The following SLC2A9 variants were observed in gnomAD, a reference collection of about 807,000 sequenced individuals.
SLC2A9 encodes the protein solute carrier family 2 member 9.
SLC2A9 carries 39 observed loss-of-function variants against 50.6 expected under a neutral mutation model. That is an observed-to-expected ratio of 0.77 (90% CI 0.60 to 1.01). SLC2A9 has a LOEUF of 1.01. Ranked by LOEUF, SLC2A9 falls within the 50% of genes least tolerant of loss-of-function variation. The probability of loss-of-function intolerance (pLI) is 0.00; values close to 1 mark genes in which losing one functional copy is unlikely to be tolerated. For missense variants in SLC2A9, 686 were observed against 677.6 expected (o/e 1.01, Z -0.14); for synonymous variants, 324 against 276.9 (o/e 1.17, Z -1.69).
chr4:9,952,772 G>A (rs1377346030), intron 5 of SLC2A9, among the ~76,000 whole-genome samples: 3 of 152,202 alleles, frequency 2.0e-5, no homozygotes, highest in Non-Finnish European at 4.4e-5. Context: ...CGATCTGCCT[G>A]CCACAGCTTC....
At chr4:9,814,950 T>C (rs1255273205) in intron 3 of SLC2A9, among the ~76,000 whole-genome samples, 1 of 151,692 alleles carries the variant, frequency 6.6e-6, no homozygotes, top group African/African-American at 2.4e-5. Context: ...ATGTGGTACA[T>C]GCAGGTAGGG....
At chr4:9,990,567 T>C (rs1361619117) in intron 3 of SLC2A9, among the ~76,000 whole-genome samples, 1 of 152,094 alleles carries the variant, frequency 6.6e-6, no homozygotes, top group East Asian at 1.9e-4. Context: ...CAGTGGGGGA[T>C]GGGGTTGAAG....
chr4:9,809,473 G>A (rs766840769), intron 3 of SLC2A9, among the ~76,000 whole-genome samples: 35 of 152,338 alleles, frequency 2.3e-4, no homozygotes, highest in Non-Finnish European at 4.3e-4. Context: ...AGTCTCTTGT[G>A]TGTACTGGGG....
chr4:9,994,353 C>A (rs1166736781), intron 3 of SLC2A9, among the ~76,000 whole-genome samples: 2 of 152,108 alleles, frequency 1.3e-5, no homozygotes, highest in Non-Finnish European at 2.9e-5. Context: ...TCCTTTTCTC[C>A]CCAGCAGAGT....
chr4:9,890,279 C>T (rs1217893532), intron 9 of SLC2A9, among the ~76,000 whole-genome samples: 44 of 152,142 alleles, frequency 2.9e-4, no homozygotes, highest in Non-Finnish European at 7.4e-5. Flanking sequence ...GAAGGAGCAC[C>T]TTAAGGTTGT....
intron 2 of SLC2A9, among the ~76,000 whole-genome samples, chr4:10,015,500 T>C (rs1256381704): frequency 1.3e-5 from 2 of 152,166 alleles, no homozygotes; most frequent in Non-Finnish European, 2.9e-5. Context: ...CCTCCAAAAA[T>C]GTTGCATGAC....
At chr4:9,838,363 T>C (rs1347490750) in intron 10 of SLC2A9, among the ~76,000 whole-genome samples, 1 of 152,158 alleles carries the variant, frequency 6.6e-6, no homozygotes, top group Non-Finnish European at 1.5e-5. Context: ...AAATCATAGA[T>C]GGCACAAACA....
intron 5 of SLC2A9, among the ~76,000 whole-genome samples, chr4:9,956,962 A>G (rs1751415807): frequency 6.6e-6 from 1 of 152,100 alleles, no homozygotes. Context: ...TGGCACTCGG[A>G]GCCTCTGTGG....
chr4:9,795,098 A>G (rs1039351871), downstream of SLC2A9, among the ~76,000 whole-genome samples: 1 of 138,532 alleles, frequency 7.2e-6, no homozygotes, highest in Non-Finnish European at 1.5e-5. Flanking sequence ...TGCAACCTCC[A>G]TCTCCCGGGT....
At chr4:9,828,990 C>G (rs61338451) in intron 11 of SLC2A9, among the ~76,000 whole-genome samples, 1 of 152,028 alleles carries the variant, frequency 6.6e-6, no homozygotes, top group African/African-American at 2.4e-5. Flanking sequence ...AGGCCACAAA[C>G]AGGGCTTCCT....
chr4:9,773,990 G>A (rs1464264661), intron 1 of SLC2A9, among the ~76,000 whole-genome samples: 2 of 105,194 alleles, frequency 1.9e-5, no homozygotes, highest in South Asian at 7.5e-4. Flanking sequence ...GAGAAACTCA[G>A]TCTTTTTTTT....
intron 10 of SLC2A9, among the ~76,000 whole-genome samples, chr4:9,852,463 A>C (rs1045249882): frequency 6.6e-6 from 1 of 151,844 alleles, no homozygotes; most frequent in Admixed American, 6.6e-5. Flanking sequence ...CTTGTTAGCC[A>C]GGATGGTCTC....
intron 1 of SLC2A9, among the ~76,000 whole-genome samples, chr4:10,029,890 C>A (rs925084968): frequency 6.6e-6 from 1 of 152,112 alleles, no homozygotes. Flanking sequence ...CCTGCCTCAG[C>A]CTCCCAAAGT....
chr4:9,942,701 A>G (rs554302029), intron 5 of SLC2A9, among the ~76,000 whole-genome samples: 2 of 152,350 alleles, frequency 1.3e-5, no homozygotes, highest in Non-Finnish European at 2.9e-5. Context: ...AAGCAGTGAC[A>G]TCCCCTGCAG....
chr4:9,787,761 T>A (rs1719412522), intron 3 of SLC2A9, among the ~76,000 whole-genome samples: 1 of 152,212 alleles, frequency 6.6e-6, no homozygotes, highest in Non-Finnish European at 1.5e-5. Context: ...ACTTGGGTTT[T>A]TTGGTGCTTT....
intron 5 of SLC2A9, among the ~76,000 whole-genome samples, chr4:9,979,558 C>T (rs1212149086): frequency 6.6e-6 from 1 of 152,084 alleles, no homozygotes; most frequent in Admixed American, 6.6e-5. Context: ...CCTCTTTATC[C>T]CCATGTCTAC....
At chr4:10,038,912 G>A (rs1764193168) in intron 1 of SLC2A9, among the ~76,000 whole-genome samples, 1 of 152,330 alleles carries the variant, frequency 6.6e-6, no homozygotes, top group African/African-American at 2.4e-5. Flanking sequence ...TTTCTTAAAG[G>A]GCTAGGTGGC....
At chr4:9,807,489 C>T (rs750401574) in intron 3 of SLC2A9, among the ~76,000 whole-genome samples, 5 of 152,168 alleles carry the variant, frequency 3.3e-5, no homozygotes, top group Admixed American at 1.3e-4. Context: ...CAGACTCTTC[C>T]TGTCTGTTTA....
At chr4:9,969,317 C>T (rs1020751614) in intron 5 of SLC2A9, among the ~76,000 whole-genome samples, 4 of 152,116 alleles carry the variant, frequency 2.6e-5, no homozygotes, top group Non-Finnish European at 5.9e-5. Context: ...TTGTAGGCCA[C>T]AAAATAACTA....
Sources: gnomAD v4.1 joint callset for allele counts (sites outside exome capture counted in the v4.1 genomes callset) on GRCh38, gnomAD v4.1.1 for gene constraint, MANE v1.5 for transcripts, NCBI Gene and HGNC (gene_info 2026-07-23, HGNC 2026-07-21) for gene names.